Variants in RBFOX3 observed in about 807,000 individuals in gnomAD.
RBFOX3 encodes RNA binding fox-1 homolog 3.
In RBFOX3, 17 loss-of-function variants were observed where a neutral mutation model predicts 48.7. The ratio of observed to expected loss-of-function variants is 0.35; its 90% CI spans 0.24 to 0.52. The LOEUF (loss-of-function observed/expected upper bound fraction) is 0.52. RBFOX3 is among the 20% of genes least tolerant of loss of function. The pLI is 0.94. For synonymous variants in RBFOX3, 212 were observed against 209.5 expected, an observed-to-expected ratio of 1.01 and a Z score of -0.10; for missense variants, 382 against 497.5, an observed-to-expected ratio of 0.77 and a Z score of 2.21.
At chr17:79,184,368 T>G (rs1252494514) in intron 4 of RBFOX3, among the ~76,000 whole-genome samples, 1 of 152,192 alleles carries the variant, frequency 6.6e-6, no homozygotes, top group Non-Finnish European at 1.5e-5. Flanking sequence ...TTGACGTGTT[T>G]CGCTCCCACG....
chr17:79,175,119 T>C (rs991806854), intron 4 of RBFOX3, among the ~76,000 whole-genome samples: 2 of 152,128 alleles, frequency 1.3e-5, no homozygotes, highest in Non-Finnish European at 2.9e-5. Flanking sequence ...CCCACCCACA[T>C]GATAACTCCG....
chr17:79,401,786 T>C (rs1243368851), intron 2 of RBFOX3, among the ~76,000 whole-genome samples: 1 of 152,160 alleles, frequency 6.6e-6, no homozygotes, highest in Non-Finnish European at 1.5e-5. Flanking sequence ...TCAGATATCA[T>C]TGTGGGTCTG....
the RBFOX3 span, among the ~76,000 whole-genome samples, chr17:79,656,772 AGGAAG>A: frequency 2.9e-5 from 1 of 33,908 alleles, no homozygotes; most frequent in African/African-American, 8.1e-5. Flanking sequence ...GAAGGAAGGA[AGGAAG>A]GAAAGAAAGA....
chr17:79,396,191 C>A (rs1568175951), intron 2 of RBFOX3, among the ~76,000 whole-genome samples: 1 of 152,244 alleles, frequency 6.6e-6, no homozygotes. Context: ...ACCACCTTGG[C>A]TGCCTGGACC....
intron 2 of RBFOX3, among the ~76,000 whole-genome samples, chr17:79,406,661 C>T (rs1420771826): frequency 6.6e-6 from 1 of 152,176 alleles, no homozygotes; most frequent in Non-Finnish European, 1.5e-5. Flanking sequence ...TCATTATCTC[C>T]CCATGTCCTA....
chr17:79,129,071 C>T (rs2038091936), intron 4 of RBFOX3, among the ~76,000 whole-genome samples: 1 of 151,994 alleles, frequency 6.6e-6, no homozygotes, highest in African/African-American at 2.4e-5. Flanking sequence ...ATCACTGAGT[C>T]CCCAGGGGCT....
At chr17:79,160,825 C>G (rs567481102) in intron 4 of RBFOX3, among the ~76,000 whole-genome samples, 2 of 152,016 alleles carry the variant, frequency 1.3e-5, no homozygotes, top group Non-Finnish European at 2.9e-5. Flanking sequence ...ACTAGAAATA[C>G]AAAGATTAGC....
Position 79,358,382 on chromosome 17 carries a change from C to T in RBFOX3, c.-174-50558G>A, listed in dbSNP as rs116827085. Among the ~76,000 whole-genome samples, 1,068 of 152,316 alleles carry T rather than the reference C, an allele frequency of 7.0e-3. 12 individuals are homozygous for T. Among genetic ancestry groups the T allele is most frequent in the African/African-American group, 0.024 (1,012 of 41,568 alleles). On this transcript the variant is annotated intron_variant, in intron 2 of 14. Transcript: ENST00000693108. ...GGGAGACCCCACCATCGGCACACTG[C>T]CCTCCCTTCTGACTCAGGCAAAATC...
intron 3 of RBFOX3, among the ~76,000 whole-genome samples, chr17:79,256,424 C>T (rs1321991227): frequency 1.3e-5 from 2 of 152,258 alleles, no homozygotes; most frequent in Non-Finnish European, 2.9e-5. Context: ...CACCACGCCA[C>T]TCACTAAAAG....
At chr17:79,371,011 G>C (rs1289871252) in intron 2 of RBFOX3, among the ~76,000 whole-genome samples, 1 of 152,244 alleles carries the variant, frequency 6.6e-6, no homozygotes, top group African/African-American at 2.4e-5. Flanking sequence ...AGGGGGTTAG[G>C]GAGGGAAGGG....
intron 2 of RBFOX3, among the ~76,000 whole-genome samples, chr17:79,431,460 C>A (rs2068434676): frequency 6.8e-6 from 1 of 147,900 alleles, no homozygotes; most frequent in Non-Finnish European, 1.5e-5. Flanking sequence ...ATTACAGGTG[C>A]CCCCCACCCC....
intron 6 of RBFOX3, among the ~76,000 whole-genome samples, chr17:79,105,271 GAC>G (rs1379283552): frequency 1.3e-5 from 2 of 152,196 alleles, no homozygotes; most frequent in Non-Finnish European, 2.9e-5. Flanking sequence ...GCTGATGGGG[GAC>G]AGTGTCCCCA....
chr17:79,126,843 T>C (rs139234248), intron 4 of RBFOX3, among the ~76,000 whole-genome samples: 145 of 152,304 alleles, frequency 9.5e-4, no homozygotes, highest in African/African-American at 3.4e-3. Context: ...GCTCCTTCAG[T>C]CCACCTCAGA....
chr17:79,329,081 A>G (rs561423459), intron 2 of RBFOX3, among the ~76,000 whole-genome samples: 1 of 152,112 alleles, frequency 6.6e-6, no homozygotes, highest in Non-Finnish European at 1.5e-5. Flanking sequence ...ATACAGAAAG[A>G]TAGTCCCCAC....
At chr17:79,123,120 AGAAT>A (rs1421104694) in intron 4 of RBFOX3, among the ~76,000 whole-genome samples, 13 of 152,344 alleles carry the variant, frequency 8.5e-5, no homozygotes, top group African/African-American at 3.1e-4. Context: ...AAGAGCAGAA[AGAAT>A]GAATAAGACC....
At chr17:79,547,658 G>A (rs1419459853) in intron 1 of RBFOX3, among the ~76,000 whole-genome samples, 2 of 152,102 alleles carry the variant, frequency 1.3e-5, no homozygotes, top group African/African-American at 4.8e-5. Flanking sequence ...AACATCCACT[G>A]GGGAGAAGAG....
rs1409790728 is a variant in RBFOX3, at chr17:79,283,693, T to G, written c.-74+24031A>C. Among the ~76,000 whole-genome samples, 3 of 152,324 alleles carry G rather than the reference T, an allele frequency of 2.0e-5. No homozygotes were observed. The South Asian group carries it at 6.2e-4, about 32-fold the overall frequency. ...AGGACCTGCCTTTTCTAGACCCTCT[T>G]GTTGGCAACACTCCTCCCGATGTCA... On this transcript the variant is annotated intron_variant, in intron 3 of 14. Transcript: ENST00000693108.
chr17:79,437,084 T>G (rs1335080686), intron 2 of RBFOX3, among the ~76,000 whole-genome samples: 1 of 152,096 alleles, frequency 6.6e-6, no homozygotes, highest in African/African-American at 2.4e-5. Flanking sequence ...ACAGGGACCT[T>G]TGAGTGCTCA....
intron 1 of RBFOX3, among the ~76,000 whole-genome samples, chr17:79,494,584 T>A (rs1200808745): frequency 6.6e-5 from 10 of 151,932 alleles, no homozygotes. Context: ...AGGGTTGGAG[T>A]GGGCTGGGGA....
Sources: gnomAD v4.1 joint callset for allele counts (sites outside exome capture counted in the v4.1 genomes callset) on GRCh38, gnomAD v4.1.1 for gene constraint, MANE v1.5 for transcripts, NCBI Gene and HGNC (gene_info 2026-07-23, HGNC 2026-07-21) for gene names.